ACBD6: variants seen among roughly 807,000 people sequenced by gnomAD.
The protein encoded by ACBD6 is acyl-CoA binding domain containing 6.
Under a neutral mutation model 37.2 loss-of-function variants are expected in ACBD6, and 28 were observed. The observed-to-expected ratio is 0.75, with a 90% confidence interval of 0.56 to 1.03. The LOEUF is 1.03. Among genes scored for constraint, ACBD6 ranks in the 50% least tolerant of loss-of-function variants. ACBD6 has a pLI of 0.00. For missense variants in ACBD6, 340 were observed against 337.4 expected, an observed-to-expected ratio of 1.01 and a Z score of -0.06; for synonymous variants, 113 against 126.8, an observed-to-expected ratio of 0.89 and a Z score of 0.73.
Position 180,274,535 on chromosome 1 carries a change from A to T in ACBD6, c.*936+116T>A, listed in dbSNP as rs143972405. The T allele has an allele frequency of 5.0e-6, 8 of 1,602,118 alleles. No homozygotes were observed. In the African/African-American group the frequency reaches 1.1e-4, roughly 21 times the overall value. Reference sequence around the variant, plus strand: ...TGTAGGCTATCCCGACTTTCCAACTAGCCCAGGCTCTTGGCTCGATGAAAT... The same window carrying T: ...TGTAGGCTATCCCGACTTTCCAACTTGCCCAGGCTCTTGGCTCGATGAAAT... On this transcript the variant is annotated intron_variant, in intron 10 of 13. Coordinates refer to the ACBD6 transcript ENST00000642319.
intron 6 of ACBD6, among the ~76,000 whole-genome samples, chr1:180,360,929 T>C (rs1652822594): frequency 1.3e-5 from 2 of 152,274 alleles, no homozygotes; most frequent in Admixed American, 6.5e-5. Context: ...CCAAGTATGC[T>C]GTGTTGGGCA....
chr1:180,394,971 C>T (rs1571450946), intron 6 of ACBD6, among the ~76,000 whole-genome samples: 1 of 152,188 alleles, frequency 6.6e-6, no homozygotes, highest in African/African-American at 2.4e-5. Flanking sequence ...ACCATCAATA[C>T]AATGGGAAAC....
At chr1:180,368,907 T>C (rs1000397463) in intron 6 of ACBD6, among the ~76,000 whole-genome samples, 5 of 152,266 alleles carry the variant, frequency 3.3e-5, no homozygotes, top group African/African-American at 7.2e-5. Context: ...AGTGAAACCA[T>C]GGATAAGAAA....
At chr1:180,417,322 A>G (rs558486610) in intron 4 of ACBD6, among the ~76,000 whole-genome samples, 1 of 152,284 alleles carries the variant, frequency 6.6e-6, no homozygotes, top group Non-Finnish European at 1.5e-5. Flanking sequence ...TCGTTTGTAA[A>G]GGAGAGGCAT....
intron 3 of ACBD6, among the ~76,000 whole-genome samples, chr1:180,441,137 A>AC (rs913580636): frequency 2.0e-5 from 3 of 152,150 alleles, no homozygotes; most frequent in Admixed American, 2.0e-4. Context: ...TGGCAGCTGC[A>AC]CCATTGTACA....
intron 3 of ACBD6, among the ~76,000 whole-genome samples, chr1:180,439,356 G>A (rs1253979361): frequency 3.3e-5 from 5 of 152,096 alleles, no homozygotes; most frequent in Admixed American, 2.0e-4. Flanking sequence ...AGGCCGAGGC[G>A]GGTGGATCAC....
intron 6 of ACBD6, among the ~76,000 whole-genome samples, chr1:180,341,322 AAG>A (rs930622875): frequency 1.6e-4 from 24 of 152,298 alleles, no homozygotes; most frequent in African/African-American, 5.3e-4. Flanking sequence ...GAATATGGAT[AAG>A]AGAAAATATT....
chr1:180,434,614 T>A (rs915431975), intron 3 of ACBD6, among the ~76,000 whole-genome samples: 1 of 152,238 alleles, frequency 6.6e-6, no homozygotes, highest in African/African-American at 2.4e-5. Context: ...AGCTTTTAGA[T>A]AATAACTTAA....
At chr1:180,305,122 G>C (rs1650297629) in intron 7 of ACBD6, among the ~76,000 whole-genome samples, 1 of 152,156 alleles carries the variant, frequency 6.6e-6, no homozygotes, top group African/African-American at 2.4e-5. Context: ...AGACTTAAAT[G>C]ATAGACCTAA....
At chr1:180,410,471 G>A (rs569265590) in intron 5 of ACBD6, among the ~76,000 whole-genome samples, 6 of 152,326 alleles carry the variant, frequency 3.9e-5, no homozygotes, top group Non-Finnish European at 7.3e-5. Context: ...GGCTAATGCA[G>A]CCATTGACTT....
chr1:180,492,246 T>C, intron 3 of ACBD6, 23 bp downstream of exon 3: 1 of 1,563,228 alleles, frequency 6.4e-7, no homozygotes, highest in South Asian at 1.1e-5. Flanking sequence ...TGGAAAGTAT[T>C]ATTTATAATC....
intron 5 of ACBD6, among the ~76,000 whole-genome samples, chr1:180,399,977 A>C (rs372577794): frequency 1.8e-4 from 28 of 152,238 alleles, no homozygotes; most frequent in East Asian, 9.6e-4. Context: ...AAGTAGGACA[A>C]CATAATATGT....
intron 10 of ACBD6, chr1:180,274,213 C>A (rs1648879590): frequency 7.4e-6 from 12 of 1,614,228 alleles, no homozygotes; most frequent in Non-Finnish European, 9.3e-6. Context: ...AACTTGGCCA[C>A]ACCAATAGGA....
chr1:180,371,670 A>G (rs1041989909), intron 6 of ACBD6, among the ~76,000 whole-genome samples: 1 of 152,172 alleles, frequency 6.6e-6, no homozygotes, highest in East Asian at 1.9e-4. Flanking sequence ...GTTTGGTCAT[A>G]AGAGGTAGGG....
At chr1:180,483,222 T>G (rs965835287) in intron 3 of ACBD6, among the ~76,000 whole-genome samples, 6 of 152,066 alleles carry the variant, frequency 3.9e-5, no homozygotes, top group African/African-American at 9.7e-5. Flanking sequence ...AGAATGTTCT[T>G]CCCCCTGTAT....
intron 1 of ACBD6, among the ~76,000 whole-genome samples, chr1:180,498,271 T>C (rs962155630): frequency 1.3e-5 from 2 of 152,222 alleles, no homozygotes; most frequent in Non-Finnish European, 2.9e-5. Flanking sequence ...GGTTCAAATG[T>C]TATTACTGGC....
At chr1:180,418,839 C>A (rs951213232) in intron 4 of ACBD6, among the ~76,000 whole-genome samples, 8 of 152,196 alleles carry the variant, frequency 5.3e-5, no homozygotes, top group African/African-American at 1.9e-4. Flanking sequence ...TCTGAAAAAC[C>A]TTGGTTTAAT....
At position 180,471,620 on chromosome 1, in the gene ACBD6, C is replaced by T. The variant is rs528817998; in HGVS notation, c.384+20649G>A. On this transcript the variant is annotated intron_variant, in intron 3 of 7. Coordinates refer to ENST00000367595, the MANE Select transcript of ACBD6 (RefSeq NM_032360.4). ...AAAATGAAGAAGCAAAAGCGGATAC[C>T]CCTGATAAGCCCAACAGATCTTGTG... Among the ~76,000 whole-genome samples the T allele has an allele frequency of 9.4e-4, 143 of 152,088 alleles. 3 individuals are homozygous for T. The Middle Eastern group carries it at 0.02, about 22-fold the overall frequency.
rs151056817 is a variant in ACBD6 at position 180,444,549 on chromosome 1, A to C, written c.385-14287T>G. Among the ~76,000 whole-genome samples the C allele has an allele frequency of 2.3e-3, 348 of 152,318 alleles. 7 individuals are homozygous for C. Among genetic ancestry groups the C allele is most frequent in the Middle Eastern group, 3.4e-3 (1 of 294 alleles). Reference sequence around the variant, plus strand: ...TGAATCCAGAATAAAGATGCCAAAGATGCGTTAGTTTTCCTTTCTATACAC... The same window carrying C: ...TGAATCCAGAATAAAGATGCCAAAGCTGCGTTAGTTTTCCTTTCTATACAC... On this transcript the variant is annotated intron_variant, in intron 3 of 7. Transcript: ENST00000367595.
Sources: gnomAD v4.1 joint callset for allele counts (sites outside exome capture counted in the v4.1 genomes callset) on GRCh38, gnomAD v4.1.1 for gene constraint, MANE v1.5 for transcripts, NCBI Gene and HGNC (gene_info 2026-07-23, HGNC 2026-07-21) for gene names.